RBM26: variants seen among roughly 807,000 people sequenced by gnomAD.
RBM26 encodes RNA-binding protein 26.
RBM26 carries 30 observed loss-of-function variants against 123.6 expected under a neutral mutation model. The observed-to-expected ratio is 0.24, with a 90% CI of 0.18 to 0.33. The LOEUF (loss-of-function observed/expected upper bound fraction) is 0.33, where lower values mean the gene tolerates loss of function less well. RBM26 is among the 10% of genes least tolerant of loss of function. The pLI is 1.00. For synonymous variants in RBM26, 400 were observed against 404.4 expected, an observed-to-expected ratio of 0.99 and a Z score of 0.13; for missense variants, 947 against 1,203.6, an observed-to-expected ratio of 0.79 and a Z score of 3.15.
rs190413273 is a variant in RBM26 at position 79,403,725 on chromosome 13, T to A, written c.71+1979A>T. ...AGAGGCAGAATTCAAAGCCAGACAT[T>A]CTGCTCCAGAGTTCTCCTCACCGCT... is the stretch of plus-strand genomic sequence containing the variant. On this transcript the variant is annotated intron_variant, in intron 1 of 21. Coordinates refer to ENST00000438737, the MANE Select transcript of RBM26 (RefSeq NM_001366735.2). Among the ~76,000 whole-genome samples, 53 of 152,270 alleles carry A rather than the reference T, an allele frequency of 3.5e-4. 1 individual carries two copies. The East Asian group carries it at 9.3e-3, about 27-fold the overall frequency.
At chr13:79,334,662 C>T (rs912118796) in intron 19 of RBM26, among the ~76,000 whole-genome samples, 1 of 152,044 alleles carries the variant, frequency 6.6e-6, no homozygotes, top group Non-Finnish European at 1.5e-5. Context: ...ATTAGTAAAA[C>T]TTATACTCAA....
At chr13:79,366,460 C>T (rs1245944951) in intron 7 of RBM26, among the ~76,000 whole-genome samples, 173 bp downstream of exon 7, 1 of 152,178 alleles carries the variant, frequency 6.6e-6, no homozygotes, top group Non-Finnish European at 1.5e-5. Flanking sequence ...TAGTAACTGG[C>T]TTGGCACAGG....
chr13:79,328,426 C>A (rs2068763558), intron 20 of RBM26, among the ~76,000 whole-genome samples: 1 of 150,360 alleles, frequency 6.7e-6, no homozygotes, highest in Non-Finnish European at 1.5e-5. Flanking sequence ...CTCCTTAGAC[C>A]AAATAAGTTC....
At chr13:79,394,909 C>T (rs1026352942) in intron 1 of RBM26, among the ~76,000 whole-genome samples, 1 of 152,214 alleles carries the variant, frequency 6.6e-6, no homozygotes, top group Non-Finnish European at 1.5e-5. Context: ...GCTGGGATTA[C>T]AGGTGTGAGC....
intron 10 of RBM26, among the ~76,000 whole-genome samples, chr13:79,359,061 G>A (rs2074355970): frequency 6.6e-6 from 1 of 152,112 alleles, no homozygotes; most frequent in Non-Finnish European, 1.5e-5. Context: ...TCTCTTCACA[G>A]ATTTATTTAT....
intron 14 of RBM26, among the ~76,000 whole-genome samples, chr13:79,348,540 AAT>A (rs1450430576): frequency 1.3e-5 from 2 of 152,150 alleles, no homozygotes; most frequent in Non-Finnish European, 2.9e-5. Flanking sequence ...ATTAAATACA[AAT>A]ATAGTTATGA....
chr13:79,366,496 T>C lies in RBM26; in HGVS notation c.1135+137A>G, dbSNP rs567493843. ...CTACAAAGTGGAGGTGTATTCCAAATGGAAGTATACTGCTATTAATTTCTA... is the reference window on the plus strand; with the variant it reads ...CTACAAAGTGGAGGTGTATTCCAAACGGAAGTATACTGCTATTAATTTCTA... On this transcript the variant is annotated intron_variant, in intron 7 of 21. Coordinates refer to ENST00000438737, the MANE Select transcript of RBM26 (RefSeq NM_001366735.2). 593 of 902,830 alleles carry C rather than the reference T, an allele frequency of 6.6e-4. 5 individuals are homozygous for C. The highest frequency in any genetic ancestry group is 8.4e-4 in the Non-Finnish European group (516 of 613,770). 55.9% of individuals were successfully genotyped at this position (902,830 alleles called of 1,614,324 possible).
chr13:79,328,908 A>G (rs992296253), intron 20 of RBM26, among the ~76,000 whole-genome samples: 1 of 151,924 alleles, frequency 6.6e-6, no homozygotes, highest in Admixed American at 6.6e-5. Context: ...GATAAAAATG[A>G]GGACAAACTA....
At chr13:79,334,554 G>T (rs1016647870) in intron 19 of RBM26, 124 bp from the exon 20 acceptor site, 1 of 491,624 alleles carries the variant, frequency 2.0e-6, no homozygotes, top group South Asian at 3.3e-5. Flanking sequence ...AATTCATAAT[G>T]GTTAACAGAA....
Position 79,354,538 on chromosome 13 carries a change from C to A in RBM26, c.1887G>T (p.Leu629Phe), listed in dbSNP as rs560373701. The change falls in exon 13 of 22, where the codon TTG becomes TTT. Residue 629 changes from leucine (L) to phenylalanine (F), a missense_variant. Physicochemically the swap from Leu to Phe is conservative, Grantham distance 22. This residue lies in a region of RBM26 where 493 missense variants were observed against 563.1 expected (regional missense o/e 0.88). Transcript: ENST00000438737. ...CTTTGACTGACTGCTTCACAACAGG[C>A]AAAATGGGCTGCTGGACTAAAGGCT... is the stretch of plus-strand genomic sequence containing the variant. ...VMQPLVQQPI[L>F]PVVKQSVKER... 2.5e-5 allele frequency: 40 copies of A among 1,605,358 alleles called. No individual in the cohort carries two copies. In the Admixed American group the frequency reaches 6.7e-4, roughly 27 times the overall value.
At position 79,323,380 on chromosome 13, in the gene RBM26, C is replaced by G. The variant is rs965901846; in HGVS notation, c.2821-918G>C. On this transcript the variant is annotated intron_variant, in intron 20 of 21. Coordinates refer to ENST00000438737, the MANE Select transcript of RBM26 (RefSeq NM_001366735.2). ...AAATCCCCAGGTATAAATTTTAAAC[C>G]TGCACATATAAATTTATGATAAATT... is the stretch of plus-strand genomic sequence containing the variant. Among the ~76,000 whole-genome samples, 10 of 151,428 alleles carry G rather than the reference C, an allele frequency of 6.6e-5. 1 individual carries two copies. The highest frequency in any genetic ancestry group is 5.9e-4 in the Admixed American group (9 of 15,162).
chr13:79,332,678 T>C (rs945030291), intron 20 of RBM26, among the ~76,000 whole-genome samples: 1 of 152,206 alleles, frequency 6.6e-6, no homozygotes, highest in African/African-American at 2.4e-5. Context: ...TTAGTTATTC[T>C]GTCACTTATT....
intron 17 of RBM26, among the ~76,000 whole-genome samples, chr13:79,342,296 A>C (rs1317769682): frequency 6.6e-6 from 1 of 151,800 alleles, no homozygotes; most frequent in Middle Eastern, 3.2e-3. Flanking sequence ...TTTTCAGTCA[A>C]TCCACCGTGT....
At chr13:79,362,447 ACTT>A (rs2074809098) in intron 9 of RBM26, among the ~76,000 whole-genome samples, 1 of 152,058 alleles carries the variant, frequency 6.6e-6, no homozygotes, top group East Asian at 1.9e-4. Context: ...TACATTACTT[ACTT>A]CTTCTCTTAC....
At chr13:79,339,403 A>T (rs907394216) in intron 18 of RBM26, among the ~76,000 whole-genome samples, 4 of 152,076 alleles carry the variant, frequency 2.6e-5, no homozygotes, top group African/African-American at 9.7e-5. Flanking sequence ...TTGCTGAGAG[A>T]GTAGAGTTTA....
intron 14 of RBM26, among the ~76,000 whole-genome samples, chr13:79,346,984 T>C (rs1012345150): frequency 1.3e-5 from 2 of 152,212 alleles, no homozygotes; most frequent in Admixed American, 6.5e-5. Context: ...TAATTTATAT[T>C]ATCTTCATAA....
intron 3 of RBM26, among the ~76,000 whole-genome samples, chr13:79,373,668 T>C (rs2076359300): frequency 1.1e-5 from 1 of 89,240 alleles, no homozygotes; most frequent in South Asian, 2.5e-4. Context: ...ATTTATATAT[T>C]ATATATTACT....
At position 79,322,355 on chromosome 13, in the gene RBM26, T is replaced by A; in HGVS notation, c.2928A>T (p.Glu976Asp). 6.4e-7 allele frequency: 1 copy of A among 1,559,240 alleles called. No individual in the cohort carries two copies. The highest frequency in any genetic ancestry group is 8.7e-7 in the Non-Finnish European group (1 of 1,153,200). Residue 976 changes from glutamate to aspartate, a missense_variant, in exon 21 of 22, where the codon GAA becomes GAT. Around this residue, in one of 5 missense-constraint regions of RBM26, gnomAD observed 164 missense variants for 215.3 expected, o/e 0.76. Coordinates refer to ENST00000438737, the MANE Select transcript of RBM26 (RefSeq NM_001366735.2). ...TGGAAAAAAAATAACATACTTCTTC[T>A]TCATCAGGCTCAACTTCTTCTGTTT... ...AVETEEVEPD[E>D]EEFQEESLVD...
At chr13:79,346,302 T>C (rs761698082) in intron 14 of RBM26, among the ~76,000 whole-genome samples, 54 of 152,204 alleles carry the variant, frequency 3.5e-4, no homozygotes, top group Non-Finnish European at 6.6e-4. Context: ...AATATTATAA[T>C]TGTACTAGTT....
Sources: gnomAD v4.1 joint callset for allele counts (sites outside exome capture counted in the v4.1 genomes callset) on GRCh38, gnomAD v4.1.1 for gene constraint, gnomAD v4.1.1 regional missense constraint, MANE v1.5 for transcripts, NCBI Gene and HGNC (gene_info 2026-07-23, HGNC 2026-07-21) for gene names.